CCSER1: variants seen among roughly 807,000 people sequenced by gnomAD.
The protein encoded by CCSER1 is coiled-coil serine rich protein 1.
CCSER1 carries 41 observed loss-of-function variants against 82.0 expected under a neutral mutation model. The observed-to-expected ratio is 0.50, with a 90% CI of 0.39 to 0.65. CCSER1 has a LOEUF of 0.65. Ranked by LOEUF, CCSER1 falls within the 30% of genes least tolerant of loss-of-function variation. The pLI, the probability that CCSER1 is intolerant of heterozygous loss-of-function variation, is 0.00. For synonymous variants in CCSER1, 414 were observed against 383.9 expected (o/e 1.08, Z -0.92); for missense variants, 1,119 against 1,064.2 (o/e 1.05, Z -0.72).
intron 3 of CCSER1, among the ~76,000 whole-genome samples, chr4:90,326,695 C>G (rs910464120): frequency 6.6e-6 from 1 of 152,106 alleles, no homozygotes; most frequent in African/African-American, 2.4e-5. Flanking sequence ...CCAAGAGAGA[C>G]TCACATAAAT....
chr4:91,183,470 G>A lies in CCSER1; in HGVS notation c.2217+97476G>A, dbSNP rs145505103. Among the ~76,000 whole-genome samples, 1,519 of 152,198 alleles carry A rather than the reference G, an allele frequency of 1.0e-2. 11 individuals carry two copies. The highest frequency in any genetic ancestry group is 0.025 in the African/African-American group (1,022 of 41,546). ...TAATTTCAAAAACTGAAACAGCTTC[G>A]TTTTAGGAAAATTATCAGCAATACC... On this transcript the variant is annotated intron_variant, in intron 10 of 10. Transcript: ENST00000509176.
intron 1 of CCSER1, among the ~76,000 whole-genome samples, chr4:90,272,069 G>T (rs565663372): frequency 6.6e-6 from 1 of 150,980 alleles, no homozygotes; most frequent in African/African-American, 2.4e-5. Context: ...TCACTGTCAC[G>T]ACAACAGCGT....
At chr4:91,152,181 A>G (rs1475927242) in intron 10 of CCSER1, among the ~76,000 whole-genome samples, 1 of 152,174 alleles carries the variant, frequency 6.6e-6, no homozygotes. Flanking sequence ...ATATATATTT[A>G]GGATAGTTAG....
chr4:90,774,040 T>C (rs867456483), intron 7 of CCSER1, among the ~76,000 whole-genome samples: 4 of 152,128 alleles, frequency 2.6e-5, no homozygotes, highest in Non-Finnish European at 5.9e-5. Context: ...GTAAGTGCCT[T>C]GGGAGTGAGA....
chr4:91,081,211 C>T (rs59556104), intron 9 of CCSER1, among the ~76,000 whole-genome samples: 6 of 152,040 alleles, frequency 3.9e-5, no homozygotes, highest in South Asian at 4.1e-4. Context: ...TTATCCACCA[C>T]GATCAAGTTG....
chr4:90,932,982 G>GAGAAAGAAAGAA lies in CCSER1; in HGVS notation c.2172+9587_2172+9598dup, dbSNP rs765197842. Reference sequence around the variant, plus strand: ...AGAAAGAAAGAAAGAAAGAAAGAAAGAGAAAGAAAGAAAGAAAGAAAGAAA... The same window carrying GAGAAAGAAAGAA: ...AGAAAGAAAGAAAGAAAGAAAGAAAGAGAAAGAAAGAAAGAAAGAAAGAAAGAAAGAAAGAAA... On this transcript the variant is annotated intron_variant, in intron 9 of 10. Transcript: ENST00000509176. 6.0e-3 allele frequency among the ~76,000 whole-genome samples: 114 copies of GAGAAAGAAAGAA among 18,860 alleles called. 14 individuals are homozygous for GAGAAAGAAAGAA. Among genetic ancestry groups the GAGAAAGAAAGAA allele is most frequent in the East Asian group, 0.031 (34 of 1,086 alleles). The allele number at this position is 18,860 out of a possible 152,430, so 12.4% of individuals were successfully genotyped here.
intron 10 of CCSER1, among the ~76,000 whole-genome samples, chr4:91,244,049 G>A (rs1374831089): frequency 6.6e-6 from 1 of 152,190 alleles, no homozygotes; most frequent in Non-Finnish European, 1.5e-5. Flanking sequence ...TGAAGGGTGA[G>A]TCCCAGACAT....
rs147377373 is a variant in CCSER1, at chr4:90,286,422, CAGTTT to C, written c.-41-21817_-41-21813del. Among the ~76,000 whole-genome samples, 959 of 152,058 alleles carry C rather than the reference CAGTTT, an allele frequency of 6.3e-3. 7 individuals carry two copies. Among genetic ancestry groups the C allele is most frequent in the African/African-American group, 0.022 (930 of 41,512 alleles). ...TGACAATTTCAATAAAGCAGAAGAA[CAGTTT>C]AGTTCATTAAAAATTTTATAGAATT... On this transcript the variant is annotated intron_variant, in intron 1 of 10. Transcript: ENST00000509176.
chr4:90,552,870 A>C (rs1481514725), intron 5 of CCSER1, among the ~76,000 whole-genome samples: 2 of 152,230 alleles, frequency 1.3e-5, no homozygotes, highest in African/African-American at 4.8e-5. Flanking sequence ...TATTCTTAAT[A>C]TTGAGATAAT....
chr4:90,954,495 C>T (rs893343231), intron 9 of CCSER1, among the ~76,000 whole-genome samples: 3 of 152,040 alleles, frequency 2.0e-5, no homozygotes, highest in African/African-American at 7.2e-5. Flanking sequence ...TCACAAGGAT[C>T]TGAAGGAATT....
chr4:90,790,016 A>T (rs1755022371), intron 7 of CCSER1, among the ~76,000 whole-genome samples: 1 of 152,174 alleles, frequency 6.6e-6, no homozygotes, highest in South Asian at 2.1e-4. Context: ...GCCAAAACAT[A>T]AAGTTATTCT....
chr4:91,207,453 T>A (rs545997434), intron 10 of CCSER1, among the ~76,000 whole-genome samples: 29 of 151,884 alleles, frequency 1.9e-4, no homozygotes, highest in Non-Finnish European at 3.8e-4. Flanking sequence ...GTTATTTAGC[T>A]CCCACTTTTA....
intron 8 of CCSER1, among the ~76,000 whole-genome samples, chr4:90,902,091 G>A (rs904774406): frequency 6.6e-6 from 1 of 150,992 alleles, no homozygotes; most frequent in Non-Finnish European, 1.5e-5. Flanking sequence ...GCTTTCAATT[G>A]TATTTTGAAA....
chr4:91,543,027 G>A (rs975453995), intron 10 of CCSER1, among the ~76,000 whole-genome samples: 1 of 152,162 alleles, frequency 6.6e-6, no homozygotes, highest in Non-Finnish European at 1.5e-5. Flanking sequence ...AGCTCTTCTT[G>A]TTGAATTGAG....
At chr4:90,656,376 T>C (rs562809557) in intron 6 of CCSER1, among the ~76,000 whole-genome samples, 1 of 151,776 alleles carries the variant, frequency 6.6e-6, no homozygotes, top group East Asian at 1.9e-4. Context: ...AATATATTAT[T>C]GGATGTATTA....
intron 10 of CCSER1, among the ~76,000 whole-genome samples, chr4:91,288,077 C>T (rs889155861): frequency 1.4e-5 from 2 of 147,558 alleles, no homozygotes; most frequent in Non-Finnish European, 3.0e-5. Flanking sequence ...TATATATATA[C>T]ACTCATATAT....
intron 7 of CCSER1, among the ~76,000 whole-genome samples, chr4:90,794,847 G>T (rs111577759): frequency 1.1e-4 from 16 of 152,214 alleles, no homozygotes; most frequent in African/African-American, 3.4e-4. Context: ...ATTTCTTCGA[G>T]AAGTGTTTTG....
chr4:90,271,334 C>A (rs969459543), intron 1 of CCSER1, among the ~76,000 whole-genome samples: 5 of 151,992 alleles, frequency 3.3e-5, no homozygotes, highest in African/African-American at 1.2e-4. Context: ...GAAATAAATC[C>A]ATACATCTAT....
chr4:90,336,607 G>A (rs1740447830), intron 3 of CCSER1, among the ~76,000 whole-genome samples: 1 of 152,142 alleles, frequency 6.6e-6, no homozygotes, highest in South Asian at 2.1e-4. Context: ...TATGTGAGAA[G>A]AACTACAAAT....
Sources: gnomAD v4.1 joint callset for allele counts (sites outside exome capture counted in the v4.1 genomes callset) on GRCh38, gnomAD v4.1.1 for gene constraint, MANE v1.5 for transcripts, NCBI Gene and HGNC (gene_info 2026-07-23, HGNC 2026-07-21) for gene names.